TGFBR2: variants seen among roughly 807,000 people sequenced by gnomAD.
TGFBR2 encodes the protein transforming growth factor beta receptor 2, also known as TGF-beta receptor type-2.
A neutral mutation model predicts 49.0 loss-of-function variants in TGFBR2; 18 were observed. That is an observed-to-expected ratio of 0.37 (90% CI 0.25 to 0.54). TGFBR2 has a LOEUF of 0.54. Ranked by LOEUF, TGFBR2 falls within the 20% of genes least tolerant of loss-of-function variation. The probability of loss-of-function intolerance (pLI) is 0.85; values close to 1 mark genes in which losing one functional copy is unlikely to be tolerated. For synonymous variants in TGFBR2, 282 were observed against 275.9 expected (o/e 1.02, Z -0.22); for missense variants, 525 against 722.6 (o/e 0.73, Z 3.13).
At chr3:30,632,311 A>C (rs183580286) in intron 1 of TGFBR2, among the ~76,000 whole-genome samples, 5 of 152,196 alleles carry the variant, frequency 3.3e-5, no homozygotes, top group Non-Finnish European at 7.4e-5. Flanking sequence ...CGCCTGATAA[A>C]TGTGCAGGAG....
chr3:30,644,729 A>C lies in TGFBR2; in HGVS notation c.95-18A>C. Reference sequence around the variant, plus strand: ...TGGCAGTTGGATAATCATTTAATATATCTTTCTCTCTCCTCAGTTAATAAC... The same window carrying C: ...TGGCAGTTGGATAATCATTTAATATCTCTTTCTCTCTCCTCAGTTAATAAC... On this transcript the variant is annotated intron_variant, in intron 1 of 6. Transcript: ENST00000295754. 6.2e-7 allele frequency: 1 copy of C among 1,613,152 alleles called. No homozygotes were observed. The highest frequency in any genetic ancestry group is 8.5e-7 in the Non-Finnish European group (1 of 1,179,328).
chr3:30,672,191 C>T lies in TGFBR2; in HGVS notation c.1008C>T (p.Tyr336=), dbSNP rs760907810. The T allele has an allele frequency of 2.5e-6, 4 of 1,612,564 alleles. No homozygotes were observed. The highest frequency in any genetic ancestry group is 3.4e-6 in the Non-Finnish European group (4 of 1,178,600). ...AFHAKGNLQE[Y]LTRHVISWED... ...ACGCCAAGGGCAACCTACAGGAGTA[C>T]CTGACGCGGCATGTCATCAGCTGGG... is the stretch of plus-strand genomic sequence containing the variant. The change falls in exon 4 of 7, where the codon TAC becomes TAT. Residue 336 remains tyrosine (Y), a synonymous_variant. Coordinates refer to ENST00000295754, the MANE Select transcript of TGFBR2 (RefSeq NM_003242.6). This position sits in a 1 kb window ranked among gnomAD's most constrained non-coding sequence, Gnocchi z 4.5.
At chr3:30,649,609 G>T (rs1698842557) in intron 2 of TGFBR2, among the ~76,000 whole-genome samples, 1 of 151,832 alleles carries the variant, frequency 6.6e-6, no homozygotes, top group African/African-American at 2.4e-5. Context: ...TTATTTATTT[G>T]TTTTTTTTGT....
At chr3:30,623,332 C>A in intron 1 of TGFBR2, 1 of 1,574,522 alleles carries the variant, frequency 6.4e-7, no homozygotes, top group Non-Finnish European at 8.7e-7. Context: ...TGCTCCCTCA[C>A]TGCTTAATTT....
In TGFBR2 at chr3:30,693,357, T is replaced by C. The variant is rs1699745175; in HGVS notation, c.*1758T>C. 8.6e-6 allele frequency: 2 copies of C among 233,780 alleles called. No homozygotes were observed. The highest frequency in any genetic ancestry group is 1.2e-4 in the East Asian group (2 of 16,712). The allele number at this position is 233,780 out of a possible 1,614,324, so 14.5% of individuals were successfully genotyped here. On this transcript the variant is annotated 3_prime_UTR_variant, in exon 7 of 7. Coordinates refer to ENST00000295754, the MANE Select transcript of TGFBR2 (RefSeq NM_003242.6). ...TGTGTCCACAAGGACAAGAACAAAG[T>C]ATGAGCTTTAAAACTCCATAGGAAA... is the stretch of plus-strand genomic sequence containing the variant.
intron 5 of TGFBR2, among the ~76,000 whole-genome samples, chr3:30,682,822 G>C (rs763206908): frequency 6.6e-6 from 1 of 152,156 alleles, no homozygotes; most frequent in South Asian, 2.1e-4. Context: ...GATCCCATAA[G>C]GTTCCCCTTC....
chr3:30,685,692 G>T (rs181462809), intron 5 of TGFBR2, among the ~76,000 whole-genome samples: 10 of 152,270 alleles, frequency 6.6e-5, no homozygotes, highest in African/African-American at 1.9e-4. Context: ...CTGAGAGTAA[G>T]GCGGTCATGT....
At chr3:30,659,359 G>GC (rs1699070897) in intron 3 of TGFBR2, among the ~76,000 whole-genome samples, 1 of 152,136 alleles carries the variant, frequency 6.6e-6, no homozygotes, top group Non-Finnish European at 1.5e-5. Flanking sequence ...AGCTGAAGCA[G>GC]CTTTTTGTTG....
chr3:30,669,221 C>G lies in TGFBR2; in HGVS notation c.455-2417C>G, dbSNP rs569450239. Among the ~76,000 whole-genome samples, 45 of 148,394 alleles carry G rather than the reference C, an allele frequency of 3.0e-4. 1 individual carries two copies. In the South Asian group the frequency reaches 9.6e-3, roughly 32 times the overall value. ...AGGCAAGGTTGCAGTGAGCAGAGAT[C>G]GTGCCATTGCACTGCTGCCTGGGTA... On this transcript the variant is annotated intron_variant, in intron 3 of 6. Coordinates refer to ENST00000295754, the MANE Select transcript of TGFBR2 (RefSeq NM_003242.6).
intron 3 of TGFBR2, among the ~76,000 whole-genome samples, chr3:30,659,174 G>A (rs1192373722): frequency 6.6e-6 from 1 of 152,200 alleles, no homozygotes; most frequent in Non-Finnish European, 1.5e-5. Flanking sequence ...TTCCAGCTGT[G>A]CATTTTTGTT....
intron 1 of TGFBR2, among the ~76,000 whole-genome samples, chr3:30,625,147 A>G (rs1455978952): frequency 6.6e-6 from 1 of 152,232 alleles, no homozygotes; most frequent in Non-Finnish European, 1.5e-5. Flanking sequence ...GTATCAAGAA[A>G]AGACTCAAAT....
chr3:30,646,878 T>C (rs4955193), intron 2 of TGFBR2, among the ~76,000 whole-genome samples: 1 of 152,198 alleles, frequency 6.6e-6, no homozygotes, highest in Admixed American at 6.5e-5. Context: ...CAAGTCTCTC[T>C]AGAATAGAGG....
chr3:30,659,187 AAAAG>A (rs1285692156), intron 3 of TGFBR2, among the ~76,000 whole-genome samples: 1 of 152,200 alleles, frequency 6.6e-6, no homozygotes, highest in East Asian at 1.9e-4. Flanking sequence ...TTTTTGTTTC[AAAAG>A]AAACAAACCA....
intron 3 of TGFBR2, among the ~76,000 whole-genome samples, chr3:30,655,599 T>G (rs1456944724): frequency 6.6e-6 from 1 of 152,206 alleles, no homozygotes; most frequent in East Asian, 1.9e-4. Flanking sequence ...GTGATTAGGG[T>G]AATCGCAGTT....
chr3:30,620,122 G>C (rs1159722152), intron 1 of TGFBR2, among the ~76,000 whole-genome samples: 2 of 152,176 alleles, frequency 1.3e-5, no homozygotes, highest in African/African-American at 4.8e-5. Flanking sequence ...GGGAGGCGGA[G>C]TTTGCAGTGA....
chr3:30,631,689 T>G (rs527351842), intron 1 of TGFBR2, among the ~76,000 whole-genome samples: 1 of 151,136 alleles, frequency 6.6e-6, no homozygotes, highest in African/African-American at 2.4e-5. Context: ...TCAAAGTGTT[T>G]GGTGTTATCT....
intron 3 of TGFBR2, among the ~76,000 whole-genome samples, chr3:30,654,310 G>A (rs1475486515): frequency 6.6e-6 from 1 of 152,222 alleles, no homozygotes; most frequent in African/African-American, 2.4e-5. Context: ...TCAGAGGACT[G>A]AGATCATGGT....
At chr3:30,679,233 G>C (rs1699492434) in intron 5 of TGFBR2, among the ~76,000 whole-genome samples, 1 of 152,196 alleles carries the variant, frequency 6.6e-6, no homozygotes, top group Admixed American at 6.5e-5. Flanking sequence ...GAATGCCCAG[G>C]TTGGCTACAG....
chr3:30,639,172 C>T (rs950095674), intron 1 of TGFBR2, among the ~76,000 whole-genome samples: 1 of 152,134 alleles, frequency 6.6e-6, no homozygotes, highest in Non-Finnish European at 1.5e-5. Flanking sequence ...CTGGGTTCTC[C>T]ACAGCCTTCC....
Sources: allele counts gnomAD v4.1 joint callset (sites outside exome capture counted in the v4.1 genomes callset), GRCh38; gene constraint gnomAD v4.1.1; non-coding constraint Gnocchi (gnomAD v3.1); transcripts MANE v1.5; gene names NCBI Gene and HGNC (gene_info 2026-07-23, HGNC 2026-07-21).